The following RGPD3 variants were observed in gnomAD, a reference collection of about 807,000 sequenced individuals.
RGPD3 encodes the protein RANBP2 like and GRIP domain containing 3.
RGPD3 carries 62 observed loss-of-function variants against 154.5 expected under a neutral mutation model. The observed-to-expected ratio is 0.40, with a 90% CI of 0.33 to 0.50. RGPD3 has a LOEUF of 0.50. Ranked by LOEUF, RGPD3 falls within the 20% of genes least tolerant of loss-of-function variation. The probability of loss-of-function intolerance (pLI) is 0.59; values close to 1 mark genes in which losing one functional copy is unlikely to be tolerated. For missense variants in RGPD3, 919 were observed against 1,716.8 expected (o/e 0.54, Z 8.21); for synonymous variants, 308 against 607.0 (o/e 0.51, Z 7.24).
upstream of RGPD3, among the ~76,000 whole-genome samples, chr2:106,469,806 T>G (rs535171602): frequency 6.6e-6 from 1 of 152,316 alleles, no homozygotes; most frequent in East Asian, 1.9e-4. Context: ...CTTCTTAAAC[T>G]GACACAGACA....
intron 22 of RGPD3, among the ~76,000 whole-genome samples, chr2:106,409,837 C>T (rs1573236976): frequency 8.5e-6 from 1 of 118,014 alleles, no homozygotes; most frequent in Admixed American, 8.3e-5. Flanking sequence ...ATGCTGAATT[C>T]TGTGTAATTT....
At chr2:106,451,553 C>A (rs1425370954) in intron 6 of RGPD3, among the ~76,000 whole-genome samples, 1 of 151,316 alleles carries the variant, frequency 6.6e-6, no homozygotes, top group Non-Finnish European at 1.5e-5. Context: ...TAAACAGAGG[C>A]ATGCTGCATT....
At chr2:106,427,031 T>C (rs1429011310) in intron 18 of RGPD3, among the ~76,000 whole-genome samples, 10 of 151,554 alleles carry the variant, frequency 6.6e-5, no homozygotes, top group Non-Finnish European at 1.2e-4. Context: ...AAGATGTCTG[T>C]CTGCATGAAA....
intron 1 of RGPD3, among the ~76,000 whole-genome samples, chr2:106,467,127 C>A (rs1678639313): frequency 1.2e-5 from 1 of 81,416 alleles, no homozygotes; most frequent in Non-Finnish European, 2.6e-5. Context: ...CTCAACAGAG[C>A]GCGCCAGGGA....
chr2:106,469,776 C>G (rs1452113833), upstream of RGPD3, among the ~76,000 whole-genome samples: 1 of 152,160 alleles, frequency 6.6e-6, no homozygotes, highest in African/African-American at 2.4e-5. Flanking sequence ...ATATACTGCC[C>G]TAGCTCAGAC....
At position 106,468,274 on chromosome 2, in the gene RGPD3, C is replaced by A; in HGVS notation, c.15G>T (p.Lys5Asn). ...AGGCGACGTACCGCTCCCCGTAGGC[C>A]TTGCTGCAACTCATCGCGCCACCAA... MSCS[K>N]AYGERYVASV... The change falls in exon 1 of 23, where the codon AAG becomes AAT. Residue 5 changes from lysine (K) to asparagine (N), a missense_variant. By Grantham distance (94) the Lys-to-Asn change is moderately conservative. Transcript: ENST00000409886. The A allele has an allele frequency of 6.2e-7, 1 of 1,607,328 alleles. No homozygotes were observed. Among genetic ancestry groups the A allele is most frequent in the Non-Finnish European group, 8.5e-7 (1 of 1,178,100 alleles).
chr2:106,468,081 C>G (rs565585463), intron 1 of RGPD3, 136 bp downstream of exon 1: 154 of 1,134,118 alleles, frequency 1.4e-4, no homozygotes, highest in South Asian at 6.6e-4. Context: ...GTCGAGGCCG[C>G]CGCCTCCACA....
At chr2:106,466,070 G>T (rs1383842183) in intron 1 of RGPD3, among the ~76,000 whole-genome samples, 1 of 151,772 alleles carries the variant, frequency 6.6e-6, no homozygotes, top group African/African-American at 2.4e-5. Context: ...TACAGCACCC[G>T]GGTGCCCAAG....
intron 21 of RGPD3, among the ~76,000 whole-genome samples, chr2:106,413,735 A>T (rs1458407122): frequency 6.6e-6 from 1 of 152,148 alleles, no homozygotes; most frequent in African/African-American, 2.4e-5. Context: ...TCAGTCCAGC[A>T]GCTTACCAAG....
At chr2:106,470,758 T>TA (rs1162023974), upstream of RGPD3, 13 of 1,565,444 alleles carry the variant, frequency 8.3e-6, no homozygotes, top group Admixed American at 2.1e-5. Flanking sequence ...CAAACTTCTT[T>TA]AAAAAATGTT....
chr2:106,443,643 G>C (rs1573281250), intron 7 of RGPD3, among the ~76,000 whole-genome samples: 3 of 100,762 alleles, frequency 3.0e-5, no homozygotes, highest in Admixed American at 2.8e-4. Flanking sequence ...CAGTTAATTA[G>C]TTGTGAATCC....
At chr2:106,470,785 C>G, upstream of RGPD3, 1 of 1,593,212 alleles carries the variant, frequency 6.3e-7, no homozygotes, top group South Asian at 1.2e-5. Flanking sequence ...TTGGCAACAC[C>G]TAGTCCTTTT....
intron 1 of RGPD3, among the ~76,000 whole-genome samples, chr2:106,465,804 G>A (rs1678556950): frequency 6.6e-6 from 1 of 151,744 alleles, no homozygotes; most frequent in Admixed American, 6.6e-5. Context: ...AGTATGAGGA[G>A]TGGAGTGGAG....
chr2:106,431,706 C>T (rs1419007771), intron 17 of RGPD3, among the ~76,000 whole-genome samples: 1 of 152,086 alleles, frequency 6.6e-6, no homozygotes, highest in Non-Finnish European at 1.5e-5. Flanking sequence ...GCTGATCACA[C>T]TGTAATAATC....
chr2:106,446,317 C>G (rs1235273256), intron 7 of RGPD3, among the ~76,000 whole-genome samples: 4 of 150,436 alleles, frequency 2.7e-5, no homozygotes, highest in Non-Finnish European at 5.9e-5. Context: ...CTGTAAATCC[C>G]AGCACTCTGG....
Position 106,434,273 on chromosome 2 carries a change from T to C in RGPD3, c.2160A>G (p.Ile720Met). 1 of 1,601,942 alleles carries C rather than the reference T, an allele frequency of 6.2e-7. No individual in the cohort carries two copies. Among genetic ancestry groups the C allele is most frequent in the Non-Finnish European group, 8.5e-7 (1 of 1,175,122 alleles). The change falls in exon 15 of 23, where the codon ATA becomes ATG. Residue 720 changes from isoleucine (I) to methionine (M), a missense_variant. Transcript: ENST00000409886. ...NYLRKTRGYL[I>M]KILDDSDSNL... ...TTGAATCACTGTCATCTAAAATCTT[T>C]ATTAGGTAGCCCCTGGTCTTTCTCA...
chr2:106,448,868 T>C (rs1356934854), intron 6 of RGPD3, among the ~76,000 whole-genome samples: 4 of 150,706 alleles, frequency 2.7e-5, no homozygotes, highest in African/African-American at 9.8e-5. Context: ...TTTTTTGTAT[T>C]TTTAGTAGAG....
In RGPD3 at chr2:106,423,928, C is replaced by A. The variant is rs1190619396; in HGVS notation, c.4039G>T (p.Val1347Leu). 1.9e-6 allele frequency: 3 copies of A among 1,611,850 alleles called. No individual in the cohort carries two copies. The highest frequency in any genetic ancestry group is 2.5e-6 in the Non-Finnish European group (3 of 1,179,848). ...PVVPLPDLVE[V>L]SSGEENEQVV... Reference sequence around the variant, plus strand: ...TGTTCATTTTCCTCACCACTGGATACTTCAACTAGATCAGGTAAAGGAACA... The same window carrying A: ...TGTTCATTTTCCTCACCACTGGATAATTCAACTAGATCAGGTAAAGGAACA... The change falls in exon 20 of 23, where the codon GTA becomes TTA. Residue 1347 changes from valine (V) to leucine (L), a missense_variant. By Grantham distance (32) the Val-to-Leu change is conservative (BLOSUM62 1). Transcript: ENST00000409886.
intron 20 of RGPD3, among the ~76,000 whole-genome samples, chr2:106,418,481 C>A (rs1411631943): frequency 6.6e-6 from 1 of 152,062 alleles, no homozygotes; most frequent in African/African-American, 2.4e-5. Flanking sequence ...ACCTACAGTG[C>A]TCATACAGTT....
Sources: allele counts gnomAD v4.1 joint callset (sites outside exome capture counted in the v4.1 genomes callset), GRCh38; gene constraint gnomAD v4.1.1; transcripts MANE v1.5; gene names NCBI Gene and HGNC (gene_info 2026-07-23, HGNC 2026-07-21).